The following APP variants were observed in gnomAD, a reference collection of about 807,000 sequenced individuals.
The protein encoded by APP is amyloid-beta precursor protein.
A neutral mutation model predicts 101.4 loss-of-function variants in APP; 31 were observed. The ratio of observed to expected loss-of-function variants is 0.31; its 90% CI spans 0.23 to 0.41. APP has a LOEUF of 0.41. Ranked by LOEUF, APP falls within the 10% of genes least tolerant of loss-of-function variation. The pLI, the probability that APP is intolerant of heterozygous loss-of-function variation, is 1.00. For synonymous variants in APP, 366 were observed against 364.4 expected, an observed-to-expected ratio of 1.00 and a Z score of -0.05; for missense variants, 839 against 1,003.7, an observed-to-expected ratio of 0.84 and a Z score of 2.22.
chr21:25,995,736 C>G (rs1424474842), intron 8 of APP, among the ~76,000 whole-genome samples: 2 of 152,118 alleles, frequency 1.3e-5, no homozygotes, highest in Non-Finnish European at 2.9e-5. Flanking sequence ...ATGCTTTTTT[C>G]ACAACAGCAA....
chr21:25,972,554 AAG>A (rs1318436325), intron 11 of APP, among the ~76,000 whole-genome samples: 1 of 152,144 alleles, frequency 6.6e-6, no homozygotes, highest in Non-Finnish European at 1.5e-5. Context: ...TTTTTTTTTA[AAG>A]AGACAGGATG....
Position 25,891,618 on chromosome 21 carries a change from T to A in APP, c.2211+104A>T, listed in dbSNP as rs574315379. ...CCAAGCATCATGGAAGCACACTGAT[T>A]CGTTTTTTAAAAGAGATACTTAGCT... On this transcript the variant is annotated intron_variant, in intron 17 of 17. Coordinates refer to ENST00000346798, the MANE Select transcript of APP (RefSeq NM_000484.4). 8 of 1,154,934 alleles carry A rather than the reference T, an allele frequency of 6.9e-6. No homozygotes were observed. In the East Asian group the frequency reaches 1.9e-4, roughly 27 times the overall value. The allele number at this position is 1,154,934 out of a possible 1,614,324, so 71.5% of individuals were successfully genotyped here. A position where few individuals can be genotyped will look rare whatever the true frequency, so the allele number is the denominator to read the frequency against.
rs148196223 is a variant in APP, at chr21:26,101,954, CAATA to C, written c.225+10021_225+10024del. ...CCTGACACAAAAACCTAACAGTGCC[CAATA>C]AATATAGACTAAATTTGCCTGTATT... On this transcript the variant is annotated intron_variant, in intron 2 of 17. Transcript: ENST00000346798. Among the ~76,000 whole-genome samples the C allele has an allele frequency of 1.7e-3, 260 of 152,068 alleles. 1 individual carries two copies. Among genetic ancestry groups the C allele is most frequent in the African/African-American group, 6.0e-3 (250 of 41,472 alleles).
intron 5 of APP, among the ~76,000 whole-genome samples, chr21:26,025,096 G>A (rs1447609709): frequency 6.6e-6 from 1 of 152,172 alleles, no homozygotes; most frequent in Non-Finnish European, 1.5e-5. Context: ...AGAAATAAAT[G>A]AGGTGAAATA....
intron 3 of APP, among the ~76,000 whole-genome samples, chr21:26,068,614 T>C (rs556521561): frequency 1.5e-4 from 23 of 152,150 alleles, no homozygotes; most frequent in Non-Finnish European, 3.1e-4. Flanking sequence ...GCAACTCTCC[T>C]AGCTTCAGCC....
chr21:26,068,828 G>A (rs2046562474), intron 3 of APP, among the ~76,000 whole-genome samples: 2 of 152,116 alleles, frequency 1.3e-5, no homozygotes, highest in South Asian at 4.1e-4. Context: ...TATCATCCAT[G>A]CCTAAGGGTC....
At chr21:25,951,264 C>G (rs2041063392) in intron 13 of APP, among the ~76,000 whole-genome samples, 1 of 152,230 alleles carries the variant, frequency 6.6e-6, no homozygotes, top group Non-Finnish European at 1.5e-5. Flanking sequence ...TGACTCCATT[C>G]TTCCTCATTT....
At chr21:26,075,957 G>A (rs145257530) in intron 3 of APP, among the ~76,000 whole-genome samples, 13 of 152,168 alleles carry the variant, frequency 8.5e-5, no homozygotes, top group African/African-American at 1.2e-4. Context: ...GCAGTGGCGC[G>A]ATCTCGGCTC....
At chr21:25,893,278 C>T (rs1196875716) in intron 16 of APP, among the ~76,000 whole-genome samples, 1 of 152,092 alleles carries the variant, frequency 6.6e-6, no homozygotes, top group Admixed American at 6.6e-5. Context: ...TGAGAGACAA[C>T]AATATTGAAA....
chr21:26,162,834 C>T (rs1346959198), intron 1 of APP, among the ~76,000 whole-genome samples: 4 of 142,888 alleles, frequency 2.8e-5, no homozygotes, highest in Non-Finnish European at 6.0e-5. Flanking sequence ...CAGTATGTGG[C>T]TTTCTGGAAG....
At position 26,158,755 on chromosome 21, in the gene APP, T is replaced by C. The variant is rs1280205317; in HGVS notation, c.57+11809A>G. Among the ~76,000 whole-genome samples the C allele has an allele frequency of 2.6e-5, 4 of 152,158 alleles. No homozygotes were observed. In the East Asian group the frequency reaches 7.7e-4, roughly 29 times the overall value. On this transcript the variant is annotated intron_variant, in intron 1 of 17. Coordinates refer to ENST00000346798, the MANE Select transcript of APP (RefSeq NM_000484.4). ...CTTTGAAACTCTACACCCTCGCTGT[T>C]TTTTCTGTCTGGGAAGCCCTCCCCA...
intron 11 of APP, among the ~76,000 whole-genome samples, chr21:25,971,254 G>T (rs1379241662): frequency 1.3e-5 from 2 of 152,016 alleles, no homozygotes; most frequent in Non-Finnish European, 2.9e-5. Context: ...CACCATGTTG[G>T]CCAGGATGGT....
intron 2 of APP, among the ~76,000 whole-genome samples, chr21:26,092,228 C>A (rs151173396): frequency 4.2e-4 from 64 of 152,168 alleles, no homozygotes; most frequent in Non-Finnish European, 6.9e-4. Context: ...GCCTTGTTTA[C>A]CTCACCTTAG....
rs45537634 is a variant in APP, at chr21:25,882,274, C to T, written c.2212-503G>A. On this transcript the variant is annotated intron_variant, in intron 17 of 17. Coordinates refer to ENST00000346798, the MANE Select transcript of APP (RefSeq NM_000484.4). Reference sequence around the variant, plus strand: ...CTGGACTGCTGAATTTAGTCTAGCCCATTTCTATCAAATTTTATGTTTGTT... The same window carrying T: ...CTGGACTGCTGAATTTAGTCTAGCCTATTTCTATCAAATTTTATGTTTGTT... 2.4e-3 allele frequency among the ~76,000 whole-genome samples: 363 copies of T among 150,878 alleles called. 6 individuals carry two copies. The highest frequency in any genetic ancestry group is 0.018 in the Admixed American group (272 of 15,112).
At chr21:26,058,872 G>A (rs978437746) in intron 3 of APP, among the ~76,000 whole-genome samples, 3 of 152,150 alleles carry the variant, frequency 2.0e-5, no homozygotes, top group African/African-American at 7.2e-5. Flanking sequence ...ACAAGGTCAG[G>A]AGATCGAGAC....
At chr21:25,948,713 C>T (rs970490087) in intron 13 of APP, among the ~76,000 whole-genome samples, 2 of 152,168 alleles carry the variant, frequency 1.3e-5, no homozygotes, top group African/African-American at 4.8e-5. Context: ...CTTGAGGTAG[C>T]TGCAAAGAGA....
intron 13 of APP, chr21:25,928,650 G>C (rs2040005698): frequency 6.6e-6 from 1 of 151,832 alleles, no homozygotes; most frequent in Admixed American, 6.6e-5. Flanking sequence ...TCTTCCTCTG[G>C]TTCGATTTAT....
intron 1 of APP, among the ~76,000 whole-genome samples, chr21:26,112,700 T>G (rs2830059): frequency 0.095 from 14,538 of 152,270 alleles, 885 homozygotes; most frequent in Admixed American, 0.15. Context: ...TCCACAAATA[T>G]AACTGAGTAT....
At chr21:26,049,759 T>G (rs2045759985) in intron 5 of APP, among the ~76,000 whole-genome samples, 1 of 152,150 alleles carries the variant, frequency 6.6e-6, no homozygotes, top group Non-Finnish European at 1.5e-5. Flanking sequence ...TCCATCCTGA[T>G]TAGAAAGGCA....
Sources: gnomAD v4.1 joint callset for allele counts (sites outside exome capture counted in the v4.1 genomes callset) on GRCh38, gnomAD v4.1.1 for gene constraint, MANE v1.5 for transcripts, NCBI Gene and HGNC (gene_info 2026-07-23, HGNC 2026-07-21) for gene names.